LY96: variants seen among roughly 807,000 people sequenced by gnomAD.
LY96 encodes the protein myeloid differentiation protein-2.
LY96 carries 18 observed loss-of-function variants against 18.9 expected under a neutral mutation model. The ratio of observed to expected loss-of-function variants is 0.95; its 90% CI spans 0.66 to 1.41. LY96 has a LOEUF of 1.41. Among genes scored for constraint, LY96 ranks in the 40% most tolerant of loss-of-function variants. The probability of loss-of-function intolerance (pLI) is 0.00; values close to 1 mark genes in which losing one functional copy is unlikely to be tolerated. For synonymous variants in LY96, 66 were observed against 62.6 expected, an observed-to-expected ratio of 1.06 and a Z score of -0.26; for missense variants, 175 against 182.4, an observed-to-expected ratio of 0.96 and a Z score of 0.23.
chr8:74,074,744 C>G, the LY96 span, among the ~76,000 whole-genome samples: 1 of 152,156 alleles, frequency 6.6e-6, no homozygotes, highest in African/African-American at 2.4e-5. Flanking sequence ...CATTGACCCA[C>G]TAGTCATTCA....
chr8:74,090,105 C>G, the LY96 span, among the ~76,000 whole-genome samples: 1 of 152,018 alleles, frequency 6.6e-6, no homozygotes, highest in African/African-American at 2.4e-5. Flanking sequence ...TAAAGGACTC[C>G]CTCTATGCTC....
At chr8:74,025,524 G>A (rs1318141032) in intron 3 of LY96, among the ~76,000 whole-genome samples, 3 of 151,780 alleles carry the variant, frequency 2.0e-5, no homozygotes, top group Non-Finnish European at 4.4e-5. Flanking sequence ...GCGTAGTGGT[G>A]GGTGTCTGTA....
chr8:73,996,385 C>A (rs1230783815), intron 1 of LY96, among the ~76,000 whole-genome samples: 47 of 41,292 alleles, frequency 1.1e-3, no homozygotes, highest in Non-Finnish European at 1.6e-3. Context: ...TTCTTTCTTT[C>A]TTTCTTTCTT....
At chr8:73,996,364 CCTTCATTCCTTTCTTT>C (rs1816131188) in intron 1 of LY96, among the ~76,000 whole-genome samples, 46 of 89,434 alleles carry the variant, frequency 5.1e-4, no homozygotes, top group African/African-American at 1.4e-3. Context: ...TTCCTTCCTT[CCTTCATTCCTTTCTTT>C]CTTTCTTTCT....
At chr8:74,005,989 T>C (rs1563712628) in intron 2 of LY96, among the ~76,000 whole-genome samples, 1 of 152,128 alleles carries the variant, frequency 6.6e-6, no homozygotes, top group Non-Finnish European at 1.5e-5. Context: ...ACCAGAAAAA[T>C]GAAAAACAAC....
the LY96 span, among the ~76,000 whole-genome samples, chr8:74,065,225 C>G: frequency 6.6e-6 from 1 of 152,204 alleles, no homozygotes; most frequent in East Asian, 1.9e-4. Context: ...CCTGTAAATT[C>G]TGTCTCCTGA....
At chr8:74,027,580 C>T (rs1213833009) in intron 4 of LY96, among the ~76,000 whole-genome samples, 1 of 152,126 alleles carries the variant, frequency 6.6e-6, no homozygotes, top group South Asian at 2.1e-4. Flanking sequence ...AACTGAGGGT[C>T]GGGCTGCCAT....
At chr8:74,010,953 A>C (rs138073574) in intron 3 of LY96, among the ~76,000 whole-genome samples, 1,968 of 151,892 alleles carry the variant, frequency 0.013, 32 homozygotes, top group South Asian at 0.071. Flanking sequence ...TCTCTGTGGA[A>C]TTACATTGAT....
At chr8:74,047,609 T>C in the LY96 span, among the ~76,000 whole-genome samples, 2 of 152,348 alleles carry the variant, frequency 1.3e-5, no homozygotes, top group Non-Finnish European at 2.9e-5. Context: ...AAATAAGTTA[T>C]GGCAATGCTG....
the LY96 span, among the ~76,000 whole-genome samples, chr8:74,073,549 A>T: frequency 6.6e-6 from 1 of 152,322 alleles, no homozygotes; most frequent in East Asian, 1.9e-4. Context: ...ACTCAAGTGT[A>T]GGTTTACAGT....
chr8:73,991,607 G>A, intron 1 of LY96, 53 bp downstream of exon 1: 1 of 1,034,538 alleles, frequency 9.7e-7, no homozygotes, highest in Non-Finnish European at 1.5e-6. Context: ...TTGAGGGTAA[G>A]TTTTCACGAG....
the LY96 span, among the ~76,000 whole-genome samples, chr8:74,084,895 G>T: frequency 6.6e-6 from 1 of 152,296 alleles, no homozygotes; most frequent in South Asian, 2.1e-4. Flanking sequence ...GATTACAGGC[G>T]TGAGCCACCG....
chr8:74,072,430 T>C, the LY96 span, among the ~76,000 whole-genome samples: 7 of 152,346 alleles, frequency 4.6e-5, 1 homozygote, highest in African/African-American at 1.7e-4. Flanking sequence ...TTCTAACTGA[T>C]GCATTATAAT....
intron 3 of LY96, among the ~76,000 whole-genome samples, chr8:74,023,502 A>G (rs772204731): frequency 1.6e-4 from 25 of 152,208 alleles, no homozygotes; most frequent in Non-Finnish European, 2.8e-4. Flanking sequence ...AGCATGGGGC[A>G]TCTGGCAGTT....
intron 3 of LY96, among the ~76,000 whole-genome samples, chr8:74,023,823 A>G (rs886206647): frequency 5.3e-5 from 8 of 152,214 alleles, no homozygotes; most frequent in Non-Finnish European, 2.9e-5. Context: ...CTGGCATTGT[A>G]TTATAAAAAG....
the LY96 span, among the ~76,000 whole-genome samples, chr8:74,092,081 C>A: frequency 2.0e-5 from 3 of 152,126 alleles, no homozygotes; most frequent in Admixed American, 2.0e-4. Context: ...CTAAAAGCTC[C>A]CTATAGTCTA....
rs145956132 is a variant in LY96, at chr8:73,995,228, C to T, written c.112+3674C>T. 2.8e-3 allele frequency among the ~76,000 whole-genome samples: 419 copies of T among 152,300 alleles called. 1 individual carries two copies. The highest frequency in any genetic ancestry group is 4.8e-3 in the Non-Finnish European group (327 of 68,030). On this transcript the variant is annotated intron_variant, in intron 1 of 4. Coordinates refer to ENST00000284818, the MANE Select transcript of LY96 (RefSeq NM_015364.5). Reference sequence around the variant, plus strand: ...ACCAGCACCTTCACATGGAACTTACCAGCCTCCGGAACTGTGAGAAATAAA... The same window carrying T: ...ACCAGCACCTTCACATGGAACTTACTAGCCTCCGGAACTGTGAGAAATAAA...
chr8:74,073,364 A>G, the LY96 span, among the ~76,000 whole-genome samples: 3 of 152,200 alleles, frequency 2.0e-5, no homozygotes, highest in African/African-American at 7.2e-5. Context: ...GGCATCCAAC[A>G]GCGTGAAAGG....
At chr8:74,077,214 T>C in the LY96 span, among the ~76,000 whole-genome samples, 1 of 152,168 alleles carries the variant, frequency 6.6e-6, no homozygotes, top group Non-Finnish European at 1.5e-5. Flanking sequence ...TCAAATCTCA[T>C]TGTTCGAGAG....
Sources: gnomAD v4.1 joint callset for allele counts (sites outside exome capture counted in the v4.1 genomes callset) on GRCh38, gnomAD v4.1.1 for gene constraint, MANE v1.5 for transcripts, NCBI Gene and HGNC (gene_info 2026-07-23, HGNC 2026-07-21) for gene names.